Variants in HIPK2 observed in about 807,000 individuals in gnomAD.
HIPK2 encodes the protein homeodomain interacting protein kinase 2.
A neutral mutation model predicts 113.7 loss-of-function variants in HIPK2; 27 were observed. The ratio of observed to expected loss-of-function variants is 0.24; its 90% CI spans 0.17 to 0.33. The LOEUF (loss-of-function observed/expected upper bound fraction) is 0.33, where lower values mean the gene tolerates loss of function less well. HIPK2 is among the 10% of genes least tolerant of loss of function. The pLI, the probability that HIPK2 is intolerant of heterozygous loss-of-function variation, is 1.00. For synonymous variants in HIPK2, 631 were observed against 642.2 expected, an observed-to-expected ratio of 0.98 and a Z score of 0.26; for missense variants, 1,257 against 1,588.0, an observed-to-expected ratio of 0.79 and a Z score of 3.54.
chr7:139,572,791 C>CCCCCCCCCA lies in HIPK2; in HGVS notation c.*135_*136insTGGGGGGGG. 5.1e-6 allele frequency: 1 copy of CCCCCCCCCA among 196,846 alleles called. No individual in the cohort carries two copies. The highest frequency in any genetic ancestry group is 9.6e-6 in the Non-Finnish European group (1 of 103,862). 12.2% of individuals were successfully genotyped at this position (196,846 alleles called of 1,614,324 possible). On this transcript the variant is annotated 3_prime_UTR_variant, in exon 15 of 15. Transcript: ENST00000406875. ...CCCCCCCCCCCCCCCCGCCCCTGCCCCGTTTGCATTGTTTGTGTGCGGCAT... is the reference window on the plus strand; with the variant it reads ...CCCCCCCCCCCCCCCCGCCCCTGCCCCCCCCCCCACGTTTGCATTGTTTGTGTGCGGCAT...
intron 1 of HIPK2, among the ~76,000 whole-genome samples, chr7:139,745,394 G>C (rs1328991035): frequency 6.6e-6 from 1 of 152,164 alleles, no homozygotes; most frequent in Non-Finnish European, 1.5e-5. Flanking sequence ...GGAGACTGAG[G>C]AAGCAACTAT....
At position 139,608,045 on chromosome 7, in the gene HIPK2, C is replaced by T. The variant is rs558305239; in HGVS notation, c.2113-3822G>A. 3.9e-5 allele frequency among the ~76,000 whole-genome samples: 6 copies of T among 152,048 alleles called. No individual in the cohort carries two copies. In the East Asian group the frequency reaches 1.2e-3, roughly 29 times the overall value. ...CTTGATGCCAGGAGTTTGAGACCAG[C>T]CTGGCCAACACATTGAAACCTAGTC... On this transcript the variant is annotated intron_variant, in intron 9 of 14. Coordinates refer to ENST00000406875, the MANE Select transcript of HIPK2 (RefSeq NM_022740.5).
chr7:139,627,963 T>C (rs1800488214), intron 5 of HIPK2, among the ~76,000 whole-genome samples: 1 of 152,156 alleles, frequency 6.6e-6, no homozygotes. Context: ...AATAGGGTCT[T>C]TGCAGATGTA....
chr7:139,613,129 G>A lies in HIPK2; in HGVS notation c.2112+73C>T. ...CATTACTAGGGAGAGAGGGAGTGGA[G>A]ATATATATCTTTTGTGAACAACATT... On this transcript the variant is annotated intron_variant, in intron 9 of 14. Coordinates refer to ENST00000406875, the MANE Select transcript of HIPK2 (RefSeq NM_022740.5). The surrounding 1 kb of genome is among the most constrained non-coding windows in gnomAD (Gnocchi z 4.2). 6.4e-7 allele frequency: 1 copy of A among 1,559,030 alleles called. No homozygotes were observed. The highest frequency in any genetic ancestry group is 1.2e-5 in the South Asian group (1 of 86,488).
chr7:139,707,533 C>T (rs940791029), intron 2 of HIPK2, among the ~76,000 whole-genome samples: 1 of 152,236 alleles, frequency 6.6e-6, no homozygotes, highest in Admixed American at 6.5e-5. Context: ...AGGTGACAAA[C>T]TCTGCCTTTT....
rs186481905 is a variant in HIPK2 at position 139,600,670 on chromosome 7, C to T, written c.2256-74G>A. On this transcript the variant is annotated intron_variant, in intron 10 of 14. Coordinates refer to ENST00000406875, the MANE Select transcript of HIPK2 (RefSeq NM_022740.5). ...AGAGCTCCTCTATAAGATCAAGCTT[C>T]CTCCCCAATTAAACGCTGACTGCAG... 4.0e-5 allele frequency: 60 copies of T among 1,516,710 alleles called. No homozygotes were observed. The Admixed American group carries it at 1.1e-3, about 28-fold the overall frequency. The allele number at this position is 1,516,710 out of a possible 1,614,324, so 94.0% of individuals were successfully genotyped here.
At chr7:139,585,922 G>A (rs1379777362) in intron 12 of HIPK2, among the ~76,000 whole-genome samples, 1 of 152,058 alleles carries the variant, frequency 6.6e-6, no homozygotes, top group African/African-American at 2.4e-5. Flanking sequence ...AGATCTACGC[G>A]GGGTACTACA....
Position 139,561,886 on chromosome 7 carries a change from T to G in HIPK2, c.*11041A>C, listed in dbSNP as rs1444442240. On this transcript the variant is annotated 3_prime_UTR_variant, in exon 15 of 15. Coordinates refer to ENST00000406875, the MANE Select transcript of HIPK2 (RefSeq NM_022740.5). ...ATTAGTTTCCAAGACTAATATAAAT[T>G]CACTCCATTTTTCTACAACGAAAAT... is the stretch of plus-strand genomic sequence containing the variant. The G allele has an allele frequency of 6.6e-6, 1 of 152,196 alleles. No homozygotes were observed. The highest frequency in any genetic ancestry group is 1.5e-5 in the Non-Finnish European group (1 of 68,046). 9.4% of individuals were successfully genotyped at this position (152,196 alleles called of 1,614,324 possible). A position where few individuals can be genotyped will look rare whatever the true frequency, so the allele number is the denominator to read the frequency against.
intron 2 of HIPK2, among the ~76,000 whole-genome samples, chr7:139,686,380 TAACAAAGGATTTAG>T (rs1794219301): frequency 6.6e-6 from 1 of 152,168 alleles, no homozygotes; most frequent in Non-Finnish European, 1.5e-5. Flanking sequence ...GTTGAAATGA[TAACAAAGGATTTAG>T]AATATTTGAT....
At chr7:139,708,012 A>C (rs1270902586) in intron 2 of HIPK2, among the ~76,000 whole-genome samples, 1 of 152,018 alleles carries the variant, frequency 6.6e-6, no homozygotes, top group Non-Finnish European at 1.5e-5. Flanking sequence ...CCTGGGGCAT[A>C]AAGGGTCTGA....
intron 4 of HIPK2, among the ~76,000 whole-genome samples, chr7:139,629,943 G>A (rs960224497): frequency 6.6e-6 from 1 of 151,934 alleles, no homozygotes; most frequent in African/African-American, 2.4e-5. Flanking sequence ...AATAGCCTGA[G>A]TGCTTGCTCA....
At chr7:139,695,333 G>A (rs1324706472) in intron 2 of HIPK2, among the ~76,000 whole-genome samples, 1 of 152,168 alleles carries the variant, frequency 6.6e-6, no homozygotes, top group African/African-American at 2.4e-5. Context: ...AGGCCTCACC[G>A]GAACTGCACG....
At chr7:139,686,849 G>A (rs1466201871) in intron 2 of HIPK2, among the ~76,000 whole-genome samples, 1 of 152,222 alleles carries the variant, frequency 6.6e-6, no homozygotes, top group African/African-American at 2.4e-5. Flanking sequence ...TTCTACTGTG[G>A]CTCAAATGTT....
intron 2 of HIPK2, among the ~76,000 whole-genome samples, chr7:139,682,992 G>C (rs1794094057): frequency 6.6e-6 from 1 of 152,220 alleles, no homozygotes; most frequent in Non-Finnish European, 1.5e-5. Flanking sequence ...GGAAATGACA[G>C]AGCAGCAAGA....
chr7:139,595,237 C>A (rs73485544), intron 12 of HIPK2, among the ~76,000 whole-genome samples: 1 of 152,190 alleles, frequency 6.6e-6, no homozygotes, highest in East Asian at 1.9e-4. Flanking sequence ...CCAAGGCTAC[C>A]CACGTGTGGG....
intron 2 of HIPK2, among the ~76,000 whole-genome samples, chr7:139,645,738 CT>C (rs939602856): frequency 5.3e-5 from 8 of 152,126 alleles, no homozygotes; most frequent in African/African-American, 1.9e-4. Flanking sequence ...CAAAACAGGA[CT>C]CACTGAGGGT....
chr7:139,712,980 G>A (rs1349942864), intron 2 of HIPK2, among the ~76,000 whole-genome samples: 1 of 152,176 alleles, frequency 6.6e-6, no homozygotes, highest in Non-Finnish European at 1.5e-5. Context: ...CCAGGGCTGG[G>A]CACAGGGAGG....
At chr7:139,719,651 T>C (rs1795350124) in intron 1 of HIPK2, among the ~76,000 whole-genome samples, 1 of 152,240 alleles carries the variant, frequency 6.6e-6, no homozygotes, top group Non-Finnish European at 1.5e-5. Flanking sequence ...CCCTCTATCC[T>C]AACATCTCCA....
intron 12 of HIPK2, among the ~76,000 whole-genome samples, chr7:139,589,804 T>C (rs1798956514): frequency 6.6e-6 from 1 of 152,216 alleles, no homozygotes; most frequent in Admixed American, 6.5e-5. Flanking sequence ...ATAAAACCTT[T>C]ATAAACTCTT....
Sources: gnomAD v4.1 joint callset for allele counts (sites outside exome capture counted in the v4.1 genomes callset) on GRCh38, gnomAD v4.1.1 for gene constraint, Gnocchi (gnomAD v3.1) non-coding constraint, MANE v1.5 for transcripts, NCBI Gene and HGNC (gene_info 2026-07-23, HGNC 2026-07-21) for gene names.